MSL2: variants seen among roughly 807,000 people sequenced by gnomAD.
MSL2 encodes MSL complex subunit 2.
A neutral mutation model predicts 35.8 loss-of-function variants in MSL2; 2 were observed. The ratio of observed to expected loss-of-function variants is 0.06; its 90% CI spans 0.02 to 0.18. The LOEUF (loss-of-function observed/expected upper bound fraction) is 0.18. Ranked by LOEUF, MSL2 falls within the 10% of genes least tolerant of loss-of-function variation. The pLI is 1.00. For missense variants in MSL2, 523 were observed against 706.7 expected (o/e 0.74, Z 2.95); for synonymous variants, 296 against 255.7 (o/e 1.16, Z -1.50).
rs1939349069 is a variant in MSL2, at chr3:136,151,065, G to C, written c.*82C>G. 6.9e-7 allele frequency: 1 copy of C among 1,456,964 alleles called. No individual in the cohort carries two copies. Among genetic ancestry groups the C allele is most frequent in the African/African-American group, 1.4e-5 (1 of 70,998 alleles). The allele number at this position is 1,456,964 out of a possible 1,614,324, so 90.3% of individuals were successfully genotyped here. ...AAGTGATCTATATGCAGGAGCTCCG[G>C]CAAGTTAAACCAACAGAACCATAGC... On this transcript the variant is annotated 3_prime_UTR_variant, in exon 2 of 2. Transcript: ENST00000309993. The surrounding 1 kb of genome is among the most constrained non-coding windows in gnomAD (Gnocchi z 5.2).
intron 1 of MSL2, among the ~76,000 whole-genome samples, chr3:136,160,398 TGA>T (rs1369669106): frequency 2.6e-5 from 2 of 78,038 alleles, no homozygotes; most frequent in Non-Finnish European, 4.9e-5. Flanking sequence ...AACCACAGAC[TGA>T]GAGAAAATAT....
chr3:136,181,742 AATCCCGT>A (rs900520568), intron 1 of MSL2, among the ~76,000 whole-genome samples: 2 of 151,950 alleles, frequency 1.3e-5, no homozygotes, highest in African/African-American at 2.4e-5. Context: ...AACATGGTGA[AATCCCGT>A]ATCTACTAAA....
In MSL2 at chr3:136,186,138, C is replaced by A. The variant is rs183295175; in HGVS notation, c.142+8834G>T. ...CTTCAGGTTCCCCAAAAATCAACAT[C>A]CTTCCTTACTTCATTTCTGATATGA... On this transcript the variant is annotated intron_variant, in intron 1 of 1. Transcript: ENST00000309993. 8.4e-3 allele frequency among the ~76,000 whole-genome samples: 1,280 copies of A among 152,284 alleles called. 21 individuals are homozygous for A. Among genetic ancestry groups the A allele is most frequent in the African/African-American group, 0.028 (1,183 of 41,558 alleles).
chr3:136,186,295 T>C (rs1427119319), intron 1 of MSL2, among the ~76,000 whole-genome samples: 1 of 152,210 alleles, frequency 6.6e-6, no homozygotes, highest in Non-Finnish European at 1.5e-5. Context: ...GCATCTCGCT[T>C]GAATACCAAA....
chr3:136,176,685 A>C (rs889601008), intron 1 of MSL2, among the ~76,000 whole-genome samples: 2 of 151,904 alleles, frequency 1.3e-5, no homozygotes, highest in African/African-American at 4.8e-5. Context: ...TTTAAAAATT[A>C]ACCAGGTGTG....
At position 136,150,697 on chromosome 3, in the gene MSL2, G is replaced by A. The variant is rs1039487401; in HGVS notation, c.*450C>T. ...AGCTGGACACATCAGCTTTCCAACA[G>A]GAGAAACATCAATGACATCTGAAGG... is the stretch of plus-strand genomic sequence containing the variant. On this transcript the variant is annotated 3_prime_UTR_variant, in exon 2 of 2. Transcript: ENST00000309993. 2.4e-5 allele frequency: 4 copies of A among 168,504 alleles called. No individual in the cohort carries two copies. The highest frequency in any genetic ancestry group is 2.9e-4 in the East Asian group (2 of 6,796). The allele number at this position is 168,504 out of a possible 1,614,324, so 10.4% of individuals were successfully genotyped here.
chr3:136,193,932 T>C (rs1940761135), intron 1 of MSL2, among the ~76,000 whole-genome samples: 1 of 152,226 alleles, frequency 6.6e-6, no homozygotes, highest in Non-Finnish European at 1.5e-5. Context: ...AGATAGAGAA[T>C]GCTGGATAAA....
chr3:136,175,810 T>C (rs569169023), intron 1 of MSL2, among the ~76,000 whole-genome samples: 3 of 152,348 alleles, frequency 2.0e-5, no homozygotes, highest in East Asian at 3.9e-4. Flanking sequence ...CCTATGTTCA[T>C]TGAATAAAAC....
intron 1 of MSL2, 72 bp downstream of exon 1, chr3:136,194,900 C>G: frequency 6.3e-7 from 1 of 1,599,420 alleles, no homozygotes; most frequent in Non-Finnish European, 8.5e-7. Context: ...GCCGTCAACC[C>G]GCTCACGTTA....
chr3:136,166,064 A>T (rs1262658270), intron 1 of MSL2, among the ~76,000 whole-genome samples: 15 of 5,954 alleles, frequency 2.5e-3, no homozygotes, highest in Admixed American at 0.013. Context: ...CGTACCAGTA[A>T]AAAAAAAAAA....
rs984371156 is a variant in MSL2, at chr3:136,148,948, T to A, written c.*2199A>T. 6.6e-6 allele frequency: 1 copy of A among 152,590 alleles called. No individual in the cohort carries two copies. The highest frequency in any genetic ancestry group is 1.5e-5 in the Non-Finnish European group (1 of 68,012). The allele number at this position is 152,590 out of a possible 1,614,324, so 9.5% of individuals were successfully genotyped here. On this transcript the variant is annotated 3_prime_UTR_variant, in exon 2 of 2. Coordinates refer to ENST00000309993, the MANE Select transcript of MSL2 (RefSeq NM_018133.4). ...TAGAAAACTATCATTTATTGATAGA[T>A]TTAAGGTGTAATACAGGTTTCCAAA...
In MSL2 at chr3:136,195,747, G is replaced by A. The variant is rs1015186529; in HGVS notation, c.-634C>T. On this transcript the variant is annotated 5_prime_UTR_variant, in exon 1 of 2. Transcript: ENST00000309993. ...ATATCGGACGCGGGGCCCAGACTGC[G>A]CCCTGGCTCTCCGCCCCGTGGGTTG... 5 of 984,776 alleles carry A rather than the reference G, an allele frequency of 5.1e-6. No homozygotes were observed. Among genetic ancestry groups the A allele is most frequent in the Non-Finnish European group, 4.8e-6 (4 of 829,800 alleles). The allele number at this position is 984,776 out of a possible 1,614,324, so 61.0% of individuals were successfully genotyped here.
In MSL2 at chr3:136,188,614, G is replaced by A. The variant is rs567419747; in HGVS notation, c.142+6358C>T. On this transcript the variant is annotated intron_variant, in intron 1 of 1. Transcript: ENST00000309993. ...AATATCTGAAATTTAGCAGGGCATT[G>A]ATGGCGTATGCCTGTAGTGTCAGCT... 2.1e-3 allele frequency among the ~76,000 whole-genome samples: 317 copies of A among 151,188 alleles called. 3 individuals are homozygous for A. The highest frequency in any genetic ancestry group is 7.0e-3 in the African/African-American group (287 of 41,204).
chr3:136,185,975 A>G (rs1940511097), intron 1 of MSL2, among the ~76,000 whole-genome samples: 1 of 152,230 alleles, frequency 6.6e-6, no homozygotes, highest in Admixed American at 6.5e-5. Context: ...AATTGTTCTA[A>G]AAGAGGTTGT....
At chr3:136,193,302 C>T (rs1054088454) in intron 1 of MSL2, among the ~76,000 whole-genome samples, 6 of 151,996 alleles carry the variant, frequency 3.9e-5, no homozygotes, top group African/African-American at 1.4e-4. Flanking sequence ...TGGTGGTCTG[C>T]ACAACTCAAA....
intron 1 of MSL2, among the ~76,000 whole-genome samples, chr3:136,167,046 T>G (rs942832190): frequency 6.6e-6 from 1 of 151,968 alleles, no homozygotes; most frequent in Admixed American, 6.6e-5. Flanking sequence ...TTTATGGAAA[T>G]GAGGAGAAGG....
intron 1 of MSL2, among the ~76,000 whole-genome samples, chr3:136,163,592 G>C (rs1939766978): frequency 6.6e-6 from 1 of 152,154 alleles, no homozygotes. Context: ...TCAAGACTCG[G>C]GGCAAACCTG....
intron 1 of MSL2, among the ~76,000 whole-genome samples, chr3:136,159,905 GA>G (rs113322567): frequency 0.044 from 6,555 of 149,300 alleles, 494 homozygotes; most frequent in African/African-American, 0.15. Context: ...TCACAAAAAG[GA>G]AAAAAAAATA....
chr3:136,166,061 GT>G lies in MSL2; in HGVS notation c.143-13324del, dbSNP rs1186178252. ...ATAAAATATTTAAATGTACGTACCA[GT>G]AAAAAAAAAAAAAAAAAAAAAAAAA... On this transcript the variant is annotated intron_variant, in intron 1 of 1. Coordinates refer to ENST00000309993, the MANE Select transcript of MSL2 (RefSeq NM_018133.4). Among the ~76,000 whole-genome samples the G allele has an allele frequency of 1.4e-3, 44 of 30,388 alleles. 1 individual carries two copies. In the South Asian group the frequency reaches 0.039, roughly 27 times the overall value. The allele number at this position is 30,388 out of a possible 152,430, so 19.9% of individuals were successfully genotyped here.
Sources: allele counts gnomAD v4.1 joint callset (sites outside exome capture counted in the v4.1 genomes callset), GRCh38; gene constraint gnomAD v4.1.1; non-coding constraint Gnocchi (gnomAD v3.1); transcripts MANE v1.5; gene names NCBI Gene and HGNC (gene_info 2026-07-23, HGNC 2026-07-21).